The following HDX variants were observed in gnomAD, a reference collection of about 807,000 sequenced individuals.
HDX encodes highly divergent homeobox.
HDX carries 19 observed loss-of-function variants against 45.2 expected under a neutral mutation model. The observed-to-expected ratio is 0.42, with a 90% CI of 0.29 to 0.62. The LOEUF (loss-of-function observed/expected upper bound fraction) is 0.62. HDX is among the 20% of genes least tolerant of loss of function. HDX has a pLI of 0.20. For synonymous variants in HDX, 188 were observed against 172.8 expected (o/e 1.09, Z -0.69); for missense variants, 532 against 493.9 (o/e 1.08, Z -0.73).
intron 4 of HDX, among the ~76,000 whole-genome samples, chrX:84,459,655 A>T (rs1293835478): frequency 2.0e-5 from 2 of 102,407 alleles, no homozygotes; most frequent in Non-Finnish European, 4.1e-5. Flanking sequence ...GAAAGAGCAA[A>T]CAAAACCCAA....
At chrX:84,445,676 G>T (rs958935817) in intron 4 of HDX, among the ~76,000 whole-genome samples, 2 of 110,959 alleles carry the variant, frequency 1.8e-5, no homozygotes, top group African/African-American at 6.5e-5. Flanking sequence ...AAGAAAAAAA[G>T]ATGTCTTGGT....
At chrX:84,402,138 C>T (rs897924933) in intron 5 of HDX, among the ~76,000 whole-genome samples, 3 of 110,960 alleles carry the variant, frequency 2.7e-5, no homozygotes, top group South Asian at 3.9e-4. Context: ...TGCAACAAAC[C>T]GCCATGACAC....
intron 5 of HDX, among the ~76,000 whole-genome samples, chrX:84,423,848 A>T (rs1181333349): frequency 9.0e-6 from 1 of 111,504 alleles, no homozygotes; most frequent in Non-Finnish European, 1.9e-5. Flanking sequence ...TACACAACAG[A>T]CCCACAGATA....
intron 5 of HDX, among the ~76,000 whole-genome samples, chrX:84,372,707 C>T (rs1157588252): frequency 5.4e-5 from 6 of 111,475 alleles, no homozygotes; most frequent in Non-Finnish European, 1.1e-4. Context: ...ATGTAAACTC[C>T]CAAAGGTTTA....
chrX:84,349,403 ATGTGTG>A (rs58864600), intron 6 of HDX, among the ~76,000 whole-genome samples: 1,336 of 68,463 alleles, frequency 0.02, 20 homozygotes, highest in Middle Eastern at 0.041. Flanking sequence ...ATATATATAT[ATGTGTG>A]TGTGTGTGTG....
rs2037050498 is a variant in HDX at position 84,339,910 on chromosome X, T to G, written c.1661-3030A>C. Reference sequence around the variant, plus strand: ...TTAAAGTTGTTCAAACATAAATTTATTTTTCACTGTATATTAATTGTAGAT... The same window carrying G: ...TTAAAGTTGTTCAAACATAAATTTAGTTTTCACTGTATATTAATTGTAGAT... On this transcript the variant is annotated intron_variant, in intron 7 of 10. Transcript: ENST00000373177. 3.6e-5 allele frequency among the ~76,000 whole-genome samples: 4 copies of G among 112,082 alleles called. 1 individual carries two copies. In the Admixed American group the frequency reaches 3.8e-4, roughly 11 times the overall value.
chrX:84,459,359 G>A (rs765956747), intron 4 of HDX, among the ~76,000 whole-genome samples: 23 of 109,892 alleles, frequency 2.1e-4, no homozygotes, highest in African/African-American at 7.0e-4. Context: ...GGAGAATGGC[G>A]TGAACCCGGG....
chrX:84,329,945 C>T (rs143949463), intron 9 of HDX, among the ~76,000 whole-genome samples: 2,051 of 111,324 alleles, frequency 0.018, 52 homozygotes, highest in East Asian at 0.14. Flanking sequence ...CAATTCTCTC[C>T]ATGTTTTTTC....
intron 4 of HDX, among the ~76,000 whole-genome samples, chrX:84,454,112 G>A (rs927325924): frequency 5.4e-5 from 6 of 111,872 alleles, no homozygotes; most frequent in African/African-American, 1.6e-4. Context: ...AGATTCAGAT[G>A]TGCTGGCTTC....
chrX:84,385,196 CTTTTTTTTTTTTTTTTTTTTTTT>C (rs146043472), intron 5 of HDX, among the ~76,000 whole-genome samples: 2 of 29,528 alleles, frequency 6.8e-5, no homozygotes, highest in South Asian at 7.1e-3. Context: ...TCTCTGATTT[CTTTTTTTTTTTTTTTTTTTTTTT>C]TTTTTTTTTT....
At chrX:84,486,418 C>T (rs997825600) in intron 2 of HDX, among the ~76,000 whole-genome samples, 5 of 111,017 alleles carry the variant, frequency 4.5e-5, no homozygotes, top group African/African-American at 1.6e-4. Flanking sequence ...AATAGAATCC[C>T]ATATTTACCC....
chrX:84,371,776 G>A (rs1341896201), intron 5 of HDX, among the ~76,000 whole-genome samples: 3 of 111,140 alleles, frequency 2.7e-5, no homozygotes, highest in Non-Finnish European at 5.7e-5. Flanking sequence ...TGCTCTCTGA[G>A]GAGAATTATT....
intron 5 of HDX, among the ~76,000 whole-genome samples, chrX:84,438,046 G>T (rs2039678131): frequency 9.0e-6 from 1 of 110,924 alleles, no homozygotes; most frequent in Non-Finnish European, 1.9e-5. Flanking sequence ...GCTCCAACTG[G>T]TGGCAGATGG....
chrX:84,422,497 T>C, intron 5 of HDX, among the ~76,000 whole-genome samples: 1 of 110,112 alleles, frequency 9.1e-6, no homozygotes, highest in East Asian at 2.8e-4. Flanking sequence ...TAAGAAATTA[T>C]AAGGATCTGA....
At chrX:84,361,671 T>C (rs2037626092) in intron 5 of HDX, 59 bp from the exon 6 acceptor site, 2 of 934,938 alleles carry the variant, frequency 2.1e-6, no homozygotes, top group Admixed American at 6.5e-5. Flanking sequence ...TCAAAGGAAA[T>C]AATATTATAA....
chrX:84,424,287 A>G (rs781009757), intron 5 of HDX, among the ~76,000 whole-genome samples: 1 of 111,329 alleles, frequency 9.0e-6, no homozygotes, highest in East Asian at 2.8e-4. Flanking sequence ...AATGACAACT[A>G]TAAAACACTG....
In HDX at chrX:84,326,230, A is replaced by G; in HGVS notation, c.1895T>C (p.Phe632Ser). Reference sequence around the variant, plus strand: ...CATTGCTAATATCAAGCTTCTAACAAAAGTCTGAAGTTTAAAGTATTTTTG... The same window carrying G: ...CATTGCTAATATCAAGCTTCTAACAGAAGTCTGAAGTTTAAAGTATTTTTG... ...QKQKYFKLQT[F>S]VRSLILAMKA... The change falls in exon 10 of 11, where the codon TTT (phenylalanine) becomes TCT (serine). Residue 632 changes from phenylalanine (F) to serine (S), a missense_variant. Phe to Ser is a radical substitution (Grantham distance 155, BLOSUM62 -2). Transcript: ENST00000373177. The G allele has an allele frequency of 1.7e-6, 2 of 1,199,585 alleles. No individual in the cohort carries two copies. The highest frequency in any genetic ancestry group is 2.3e-6 in the Non-Finnish European group (2 of 884,667).
intron 6 of HDX, among the ~76,000 whole-genome samples, chrX:84,351,494 G>A (rs769913258): frequency 4.5e-5 from 5 of 111,034 alleles, no homozygotes; most frequent in Admixed American, 1.9e-4. Flanking sequence ...GTTTTTCCCC[G>A]TGGTATTTGG....
intron 4 of HDX, among the ~76,000 whole-genome samples, chrX:84,456,380 A>T (rs192820524): frequency 1.6e-3 from 184 of 111,689 alleles, no homozygotes; most frequent in African/African-American, 5.5e-3. Flanking sequence ...ATTAAAAAGC[A>T]TACAATGGAT....
Sources: gnomAD v4.1 joint callset for allele counts (sites outside exome capture counted in the v4.1 genomes callset) on GRCh38, gnomAD v4.1.1 for gene constraint, MANE v1.5 for transcripts, NCBI Gene and HGNC (gene_info 2026-07-23, HGNC 2026-07-21) for gene names.